The following SNTB1 variants were observed in gnomAD, a reference collection of about 807,000 sequenced individuals.
The protein encoded by SNTB1 is syntrophin beta 1, also known as beta-1-syntrophin.
SNTB1 carries 36 observed loss-of-function variants against 48.9 expected under a neutral mutation model. The ratio of observed to expected loss-of-function variants is 0.74; its 90% CI spans 0.56 to 0.97. SNTB1 has a LOEUF of 0.97. Ranked by LOEUF, SNTB1 falls within the 50% of genes least tolerant of loss-of-function variation. The pLI is 0.00. For missense variants in SNTB1, 786 were observed against 703.4 expected, an observed-to-expected ratio of 1.12 and a Z score of -1.33; for synonymous variants, 299 against 294.6, an observed-to-expected ratio of 1.01 and a Z score of -0.15.
chr8:120,596,310 T>A (rs935065734), intron 3 of SNTB1, among the ~76,000 whole-genome samples: 1 of 152,230 alleles, frequency 6.6e-6, no homozygotes, highest in African/African-American at 2.4e-5. Flanking sequence ...GACCAGAATA[T>A]CAACATTTAT....
intron 2 of SNTB1, among the ~76,000 whole-genome samples, chr8:120,641,235 A>G (rs1817191058): frequency 6.6e-6 from 1 of 152,212 alleles, no homozygotes; most frequent in South Asian, 2.1e-4. Context: ...AGGATTCTCA[A>G]AAGCATTAAT....
At chr8:120,549,598 A>G (rs1161323545) in intron 4 of SNTB1, among the ~76,000 whole-genome samples, 1 of 152,210 alleles carries the variant, frequency 6.6e-6, no homozygotes, top group Admixed American at 6.5e-5. Flanking sequence ...AGATTTTCAC[A>G]CTGACTTTTG....
intron 3 of SNTB1, among the ~76,000 whole-genome samples, chr8:120,608,467 A>AGG (rs1309770986): frequency 6.6e-6 from 1 of 152,186 alleles, no homozygotes; most frequent in Non-Finnish European, 1.5e-5. Flanking sequence ...AGGAAAGATT[A>AGG]GGGCACAGAC....
rs867955704 is a variant in SNTB1 at position 120,669,444 on chromosome 8, T to G, written c.788+24248A>C. 8.2e-4 allele frequency among the ~76,000 whole-genome samples: 56 copies of G among 67,884 alleles called. 16 individuals are homozygous for G. In the Middle Eastern group the frequency reaches 0.031, roughly 38 times the overall value. The allele number at this position is 67,884 out of a possible 152,430, so 44.5% of individuals were successfully genotyped here. ...GATCTATTCAAAATGAAAATGCTTG[T>G]TTTTTTTTTTTTTTTTTTTGAGACG... On this transcript the variant is annotated intron_variant, in intron 2 of 6. Transcript: ENST00000517992.
At chr8:120,630,117 T>C (rs187952602) in intron 3 of SNTB1, among the ~76,000 whole-genome samples, 47 of 152,376 alleles carry the variant, frequency 3.1e-4, no homozygotes, top group African/African-American at 1.1e-3. Flanking sequence ...GTTGCATGTG[T>C]TGGCCAGCCT....
intron 2 of SNTB1, among the ~76,000 whole-genome samples, chr8:120,676,754 T>C (rs963403089): frequency 2.6e-5 from 4 of 152,140 alleles, no homozygotes; most frequent in African/African-American, 9.7e-5. Flanking sequence ...AAATTGCTGG[T>C]GGCACAATTA....
At chr8:120,680,415 G>A (rs1371743304) in intron 2 of SNTB1, among the ~76,000 whole-genome samples, 2 of 152,168 alleles carry the variant, frequency 1.3e-5, no homozygotes, top group Admixed American at 6.5e-5. Flanking sequence ...CAACACACTA[G>A]CAATGTCAAA....
chr8:120,774,809 A>G (rs1304327196), intron 1 of SNTB1, among the ~76,000 whole-genome samples: 2 of 151,968 alleles, frequency 1.3e-5, no homozygotes, highest in Non-Finnish European at 2.9e-5. Flanking sequence ...ACCCACCACC[A>G]CGCCCTGCTA....
chr8:120,538,914 A>G lies in SNTB1; in HGVS notation c.1580T>C (p.Leu527Pro), dbSNP rs775317055. 14 of 1,613,816 alleles carry G rather than the reference A, an allele frequency of 8.7e-6. No individual in the cohort carries two copies. The highest frequency in any genetic ancestry group is 1.1e-5 in the Non-Finnish European group (13 of 1,179,796). The change falls in exon 7 of 7, where the codon CTG (leucine) becomes CCG (proline). Residue 527 changes from leucine to proline, a missense_variant. Transcript: ENST00000517992. ...KPIVFIIHSF[L>P]SAKITRLGLV... The stretch of plus-strand genomic sequence containing the variant: ...GCCCAGTCTTGTAATCTTAGCTGAC[A>G]GGAAGGAATGAATGATGAAAACAAT...
chr8:120,627,892 C>G (rs542418788), intron 3 of SNTB1, among the ~76,000 whole-genome samples: 1 of 152,116 alleles, frequency 6.6e-6, no homozygotes, highest in African/African-American at 2.4e-5. Context: ...CTACCACATA[C>G]TAGAGGAGAG....
intron 1 of SNTB1, among the ~76,000 whole-genome samples, chr8:120,763,015 C>G (rs1011009105): frequency 6.6e-6 from 1 of 152,118 alleles, no homozygotes. Flanking sequence ...GGTTCATAGC[C>G]AGGCACAGAA....
intron 3 of SNTB1, among the ~76,000 whole-genome samples, chr8:120,589,899 TA>T (rs1816211547): frequency 1.3e-5 from 2 of 152,200 alleles, no homozygotes; most frequent in South Asian, 4.1e-4. Flanking sequence ...ACCCAGAATT[TA>T]CTCTTTCCTT....
At chr8:120,566,424 G>T (rs1409666054) in intron 4 of SNTB1, among the ~76,000 whole-genome samples, 1 of 151,428 alleles carries the variant, frequency 6.6e-6, no homozygotes, top group Non-Finnish European at 1.5e-5. Flanking sequence ...ACAGCAACAG[G>T]CTCCATCTAT....
chr8:120,562,910 C>T (rs778951073), intron 4 of SNTB1, among the ~76,000 whole-genome samples: 2 of 149,820 alleles, frequency 1.3e-5, no homozygotes, highest in South Asian at 2.1e-4. Flanking sequence ...GAAAAAGAAA[C>T]GGGTTAGTTG....
chr8:120,751,206 G>C (rs949240575), intron 1 of SNTB1, among the ~76,000 whole-genome samples: 2 of 152,080 alleles, frequency 1.3e-5, no homozygotes, highest in African/African-American at 4.8e-5. Flanking sequence ...AGGGAAGAAG[G>C]GGGAGTAAAT....
intron 1 of SNTB1, among the ~76,000 whole-genome samples, chr8:120,752,503 G>A (rs1471729108): frequency 2.0e-5 from 3 of 151,918 alleles, no homozygotes; most frequent in Non-Finnish European, 2.9e-5. Flanking sequence ...TATGTTCATT[G>A]TAGCACCATT....
At chr8:120,686,839 A>T (rs1818043496) in intron 2 of SNTB1, among the ~76,000 whole-genome samples, 4 of 152,058 alleles carry the variant, frequency 2.6e-5, no homozygotes, top group African/African-American at 7.2e-5. Flanking sequence ...CTTTATATAT[A>T]TTTTTTTCTG....
intron 2 of SNTB1, among the ~76,000 whole-genome samples, chr8:120,664,639 C>T (rs184413379): frequency 1.2e-4 from 19 of 152,254 alleles, no homozygotes; most frequent in African/African-American, 3.9e-4. Context: ...TAATCCATTA[C>T]GTGGATACAG....
intron 3 of SNTB1, among the ~76,000 whole-genome samples, chr8:120,626,294 G>A (rs1364916917): frequency 2.0e-5 from 3 of 152,184 alleles, no homozygotes; most frequent in Non-Finnish European, 2.9e-5. Flanking sequence ...TAGATACAGG[G>A]AGGTAGACAG....
Sources: gnomAD v4.1 joint callset for allele counts (sites outside exome capture counted in the v4.1 genomes callset) on GRCh38, gnomAD v4.1.1 for gene constraint, MANE v1.5 for transcripts, NCBI Gene and HGNC (gene_info 2026-07-23, HGNC 2026-07-21) for gene names.